The following MCOLN2 variants were observed in gnomAD, a reference collection of about 807,000 sequenced individuals.
The protein encoded by MCOLN2 is mucolipin-2.
Under a neutral mutation model 67.5 loss-of-function variants are expected in MCOLN2, and 57 were observed. That is an observed-to-expected ratio of 0.84 (90% CI 0.68 to 1.05). The LOEUF is 1.05. Ranked by LOEUF, MCOLN2 falls within the 50% of genes least tolerant of loss-of-function variation. The pLI, the probability that MCOLN2 is intolerant of heterozygous loss-of-function variation, is 0.00. For missense variants in MCOLN2, 620 were observed against 678.8 expected, an observed-to-expected ratio of 0.91 and a Z score of 0.96; for synonymous variants, 246 against 233.3, an observed-to-expected ratio of 1.05 and a Z score of -0.50.
At chr1:84,939,889 G>T (rs757509947) in intron 8 of MCOLN2, among the ~76,000 whole-genome samples, 187 bp from the exon 9 acceptor site, 114 of 152,150 alleles carry the variant, frequency 7.5e-4, no homozygotes, top group Non-Finnish European at 2.6e-4. Context: ...GCATTCAATT[G>T]TCTGTGAAGT....
At chr1:84,967,348 G>A (rs908746292) in intron 1 of MCOLN2, among the ~76,000 whole-genome samples, 12 of 152,202 alleles carry the variant, frequency 7.9e-5, no homozygotes, top group Non-Finnish European at 1.2e-4. Context: ...TATCTTGATG[G>A]TAAGGGTAAA....
intron 1 of MCOLN2, among the ~76,000 whole-genome samples, chr1:84,982,143 A>G (rs1650292270): frequency 6.6e-6 from 1 of 151,830 alleles, no homozygotes; most frequent in African/African-American, 2.4e-5. Flanking sequence ...GGGGGGAAGC[A>G]GATTTATCAA....
intron 11 of MCOLN2, among the ~76,000 whole-genome samples, chr1:84,935,415 A>G (rs1415523781): frequency 6.6e-6 from 1 of 152,160 alleles, no homozygotes; most frequent in African/African-American, 2.4e-5. Context: ...AGCTAACATT[A>G]AGTGAAAGAC....
At position 84,937,834 on chromosome 1, in the gene MCOLN2, CGAA is replaced by C; in HGVS notation, c.1253_1255del (p.Leu418del). ...AATCATACCAGCACAAGCACAAAAC[CGAA>C]GAACTTTTGGCAGTGAGGCCTGCAT... is the stretch of plus-strand genomic sequence containing the variant. On this transcript the variant is annotated inframe_deletion, in exon 11 of 14. Transcript: ENST00000370608. 6.2e-7 allele frequency: 1 copy of C among 1,614,046 alleles called. No homozygotes were observed. The highest frequency in any genetic ancestry group is 2.2e-5 in the East Asian group (1 of 44,864).
intron 9 of MCOLN2, among the ~76,000 whole-genome samples, chr1:84,938,920 T>C (rs1377141259): frequency 2.6e-5 from 4 of 151,948 alleles, no homozygotes; most frequent in African/African-American, 9.7e-5. Flanking sequence ...GGGTATGAAG[T>C]AGAAGACGGG....
chr1:84,984,690 C>T (rs1309668753), intron 1 of MCOLN2, among the ~76,000 whole-genome samples: 1 of 152,102 alleles, frequency 6.6e-6, no homozygotes, highest in Non-Finnish European at 1.5e-5. Flanking sequence ...TATATTAATA[C>T]CAAAGGATAA....
At chr1:84,927,421 C>T (rs984617336) in intron 13 of MCOLN2, among the ~76,000 whole-genome samples, 12 of 152,292 alleles carry the variant, frequency 7.9e-5, no homozygotes, top group African/African-American at 1.2e-4. Context: ...AGAACCACAT[C>T]GCTTTAGAAC....
chr1:84,970,590 C>G (rs531976271), intron 1 of MCOLN2, among the ~76,000 whole-genome samples: 1 of 151,808 alleles, frequency 6.6e-6, no homozygotes, highest in Non-Finnish European at 1.5e-5. Flanking sequence ...AGCTGAGACA[C>G]GAGAATAGCT....
At chr1:84,954,401 G>A (rs920547675) in intron 4 of MCOLN2, among the ~76,000 whole-genome samples, 3 of 152,224 alleles carry the variant, frequency 2.0e-5, no homozygotes, top group Non-Finnish European at 4.4e-5. Context: ...GGAAAAGACT[G>A]ATGATAGAAA....
chr1:84,964,899 C>G (rs1649294471), intron 2 of MCOLN2, among the ~76,000 whole-genome samples: 1 of 152,168 alleles, frequency 6.6e-6, no homozygotes, highest in Admixed American at 6.6e-5. Flanking sequence ...AAGCTTTGCT[C>G]CCTTGCCTAC....
intron 4 of MCOLN2, among the ~76,000 whole-genome samples, chr1:84,953,855 G>C (rs1648641456): frequency 6.6e-6 from 1 of 152,178 alleles, no homozygotes. Context: ...CAGAAACCTA[G>C]TGACAGAACT....
chr1:84,984,755 G>T (rs1378730126), intron 1 of MCOLN2, among the ~76,000 whole-genome samples: 1 of 152,132 alleles, frequency 6.6e-6, no homozygotes, highest in African/African-American at 2.4e-5. Context: ...TAGCACTTTG[G>T]GAGGCCAAGG....
chr1:84,931,605 GT>G (rs1557628204), intron 11 of MCOLN2, 37 bp from the exon 12 acceptor site: 52 of 1,533,976 alleles, frequency 3.4e-5, no homozygotes, highest in Non-Finnish European at 4.6e-5. Flanking sequence ...CTGAAATAGA[GT>G]ATTCTAAAAA....
intron 1 of MCOLN2, among the ~76,000 whole-genome samples, chr1:84,988,420 G>C (rs1489270428): frequency 6.6e-6 from 1 of 152,068 alleles, no homozygotes; most frequent in East Asian, 1.9e-4. Context: ...TTAATTAGTA[G>C]GATGACTGAA....
intron 13 of MCOLN2, among the ~76,000 whole-genome samples, chr1:84,928,978 C>T (rs1490633046): frequency 6.6e-6 from 1 of 152,162 alleles, no homozygotes; most frequent in Non-Finnish European, 1.5e-5. Context: ...AAAAAATTGT[C>T]TTCACCTGAC....
At position 84,934,972 on chromosome 1, in the gene MCOLN2, C is replaced by T. The variant is rs187776128; in HGVS notation, c.1335+2783G>A. Among the ~76,000 whole-genome samples the T allele has an allele frequency of 5.3e-5, 8 of 152,260 alleles. 1 individual carries two copies. In the East Asian group the frequency reaches 1.5e-3, roughly 29 times the overall value. On this transcript the variant is annotated intron_variant, in intron 11 of 13. Transcript: ENST00000370608. ...CAGTCAAACGGTTTTCCTAATGTCT[C>T]CTTTTTAGTTGTTTTGTTTTAAAGA... is the stretch of plus-strand genomic sequence containing the variant.
At chr1:84,929,891 C>A in intron 12 of MCOLN2, 1 of 343,786 alleles carries the variant, frequency 2.9e-6, no homozygotes, top group South Asian at 7.5e-5. Context: ...CAAAGAAAAA[C>A]TTCAGAAAGA....
intron 6 of MCOLN2, among the ~76,000 whole-genome samples, chr1:84,949,145 A>C (rs960404277): frequency 2.0e-5 from 3 of 152,222 alleles, no homozygotes; most frequent in Admixed American, 6.5e-5. Flanking sequence ...AAATAAAGTA[A>C]AATAAAATGA....
rs1651156632 is a variant in MCOLN2 at position 84,996,429 on chromosome 1, T to C, written c.77+367A>G. ...ATATATATATATATATATATATATA[T>C]ATGTTTGGAGAGCAGGAAACGGGGG... On this transcript the variant is annotated intron_variant, in intron 1 of 13. Transcript: ENST00000370608. Among the ~76,000 whole-genome samples, 2 of 121,562 alleles carry C rather than the reference T, an allele frequency of 1.6e-5. 1 individual carries two copies. The highest frequency in any genetic ancestry group is 3.5e-5 in the Non-Finnish European group (2 of 56,740). The allele number at this position is 121,562 out of a possible 152,430, so 79.7% of individuals were successfully genotyped here.
Sources: gnomAD v4.1 joint callset for allele counts (sites outside exome capture counted in the v4.1 genomes callset) on GRCh38, gnomAD v4.1.1 for gene constraint, MANE v1.5 for transcripts, NCBI Gene and HGNC (gene_info 2026-07-23, HGNC 2026-07-21) for gene names.